The following CSMD3 variants were observed in gnomAD, a reference collection of about 807,000 sequenced individuals.
CSMD3 encodes CUB and sushi domain-containing protein 3.
Under a neutral mutation model 435.2 loss-of-function variants are expected in CSMD3, and 177 were observed. The ratio of observed to expected loss-of-function variants is 0.41; its 90% CI spans 0.36 to 0.46. The LOEUF is 0.46. Ranked by LOEUF, CSMD3 falls within the 20% of genes least tolerant of loss-of-function variation. CSMD3 has a pLI of 0.34. For synonymous variants in CSMD3, 1,656 were observed against 1,520.5 expected (o/e 1.09, Z -2.07); for missense variants, 4,265 against 4,504.6 (o/e 0.95, Z 1.52).
intron 1 of CSMD3, among the ~76,000 whole-genome samples, chr8:113,421,910 G>C (rs1222623805): frequency 6.6e-6 from 1 of 152,118 alleles, no homozygotes; most frequent in Non-Finnish European, 1.5e-5. Context: ...CCCAAGGACA[G>C]GTTTGAGTGA....
At chr8:112,631,853 G>T (rs2131559404) in intron 22 of CSMD3, among the ~76,000 whole-genome samples, 1 of 151,884 alleles carries the variant, frequency 6.6e-6, no homozygotes, top group African/African-American at 2.4e-5. Context: ...TTCCAGAAAA[G>T]AAAAATATAG....
chr8:112,308,781 A>C (rs1821681407), intron 50 of CSMD3, among the ~76,000 whole-genome samples: 1 of 152,062 alleles, frequency 6.6e-6, no homozygotes, highest in Non-Finnish European at 1.5e-5. Flanking sequence ...CTAATTTTCT[A>C]TGTTTATCCT....
At chr8:112,369,091 T>C (rs1024774728) in intron 38 of CSMD3, among the ~76,000 whole-genome samples, 2 of 152,122 alleles carry the variant, frequency 1.3e-5, no homozygotes, top group Non-Finnish European at 2.9e-5. Context: ...AATACTCTGG[T>C]ACAAATGGCT....
chr8:112,682,343 A>G, intron 16 of CSMD3, 99 bp downstream of exon 16: 1 of 882,536 alleles, frequency 1.1e-6, no homozygotes, highest in Non-Finnish European at 1.9e-6. Flanking sequence ...GTTTTAAGAT[A>G]ATGATTATGA....
intron 1 of CSMD3, among the ~76,000 whole-genome samples, chr8:113,375,750 A>G (rs957466263): frequency 6.6e-6 from 1 of 152,144 alleles, no homozygotes; most frequent in Admixed American, 6.5e-5. Context: ...GGAGTAGCTT[A>G]TGTAAGACTA....
intron 1 of CSMD3, among the ~76,000 whole-genome samples, chr8:113,336,257 G>T: frequency 6.6e-6 from 1 of 150,600 alleles, no homozygotes; most frequent in African/African-American, 2.4e-5. Context: ...ATTTTGATTT[G>T]GTTCCTCCTT....
chr8:112,943,022 T>C (rs2130776274), intron 9 of CSMD3, among the ~76,000 whole-genome samples: 1 of 151,904 alleles, frequency 6.6e-6, no homozygotes, highest in East Asian at 1.9e-4. Flanking sequence ...TTAGCTATTT[T>C]AATAGCTATG....
chr8:112,986,723 A>G (rs2085267760), intron 6 of CSMD3, among the ~76,000 whole-genome samples: 1 of 152,084 alleles, frequency 6.6e-6, no homozygotes. Flanking sequence ...TGAATGGAAG[A>G]TATTTCCAGT....
At chr8:113,112,700 C>T (rs554365321) in intron 4 of CSMD3, among the ~76,000 whole-genome samples, 5 of 151,940 alleles carry the variant, frequency 3.3e-5, no homozygotes, top group Admixed American at 6.6e-5. Flanking sequence ...CAGAACCTCC[C>T]AAATAGTGCT....
chr8:113,366,071 C>T (rs146033288), intron 1 of CSMD3, among the ~76,000 whole-genome samples: 56 of 152,056 alleles, frequency 3.7e-4, no homozygotes, highest in African/African-American at 1.3e-3. Context: ...GCATCTGTTT[C>T]ACCAAAAAAG....
intron 10 of CSMD3, among the ~76,000 whole-genome samples, chr8:112,866,054 G>T (rs1297745874): frequency 5.3e-5 from 8 of 152,144 alleles, no homozygotes; most frequent in Admixed American, 3.9e-4. Flanking sequence ...CCTACTGCCT[G>T]CTGTTCTAAG....
chr8:112,674,528 G>A (rs547340893), intron 16 of CSMD3, among the ~76,000 whole-genome samples: 2 of 151,992 alleles, frequency 1.3e-5, no homozygotes, highest in African/African-American at 2.4e-5. Context: ...CATCCCTGAC[G>A]GCACACCCTA....
intron 13 of CSMD3, among the ~76,000 whole-genome samples, chr8:112,784,898 C>A (rs2078496744): frequency 6.6e-6 from 1 of 151,882 alleles, no homozygotes; most frequent in Non-Finnish European, 1.5e-5. Context: ...GGGTATATGT[C>A]CAAACTCATT....
chr8:113,307,466 G>T lies in CSMD3; in HGVS notation c.401+7105C>A, dbSNP rs572963505. Among the ~76,000 whole-genome samples, 8 of 151,944 alleles carry T rather than the reference G, an allele frequency of 5.3e-5. No individual in the cohort carries two copies. In the East Asian group the frequency reaches 1.5e-3, roughly 29 times the overall value. On this transcript the variant is annotated intron_variant, in intron 2 of 70. Coordinates refer to ENST00000297405, the MANE Select transcript of CSMD3 (RefSeq NM_198123.2). ...AAATACAGGATATCTTTCCATCTTT[G>T]GATAAGCAAATATTTATTGTACTAC...
chr8:112,925,228 G>GCTTA (rs139995977), intron 9 of CSMD3, among the ~76,000 whole-genome samples: 5,114 of 151,906 alleles, frequency 0.034, 148 homozygotes, highest in Middle Eastern at 0.048. Flanking sequence ...TCCTCATTTA[G>GCTTA]CTTAATCATT....
At chr8:112,401,946 G>C (rs117509672) in intron 35 of CSMD3, among the ~76,000 whole-genome samples, 1 of 152,174 alleles carries the variant, frequency 6.6e-6, no homozygotes, top group Admixed American at 6.5e-5. Flanking sequence ...AAAATCAATA[G>C]TATCAAACAC....
chr8:112,636,579 T>G (rs868580410), intron 22 of CSMD3, among the ~76,000 whole-genome samples: 1 of 143,918 alleles, frequency 6.9e-6, no homozygotes, highest in African/African-American at 2.5e-5. Flanking sequence ...TATCTATCTA[T>G]CTATCTAATT....
chr8:112,614,759 T>C (rs2131486798), intron 22 of CSMD3, among the ~76,000 whole-genome samples: 1 of 152,260 alleles, frequency 6.6e-6, no homozygotes, highest in East Asian at 1.9e-4. Flanking sequence ...TTAAATCCCA[T>C]GTTCTATTCT....
At chr8:112,525,747 T>G (rs1238582117) in intron 27 of CSMD3, among the ~76,000 whole-genome samples, 1 of 134,984 alleles carries the variant, frequency 7.4e-6, no homozygotes, top group Non-Finnish European at 1.6e-5. Context: ...AAACCATATA[T>G]ATACATATAT....
Sources: gnomAD v4.1 joint callset for allele counts (sites outside exome capture counted in the v4.1 genomes callset) on GRCh38, gnomAD v4.1.1 for gene constraint, MANE v1.5 for transcripts, NCBI Gene and HGNC (gene_info 2026-07-23, HGNC 2026-07-21) for gene names.